Variants in TMEM132B observed in about 807,000 individuals in gnomAD.
TMEM132B encodes the protein transmembrane protein 132B.
Under a neutral mutation model 90.8 loss-of-function variants are expected in TMEM132B, and 18 were observed. The observed-to-expected ratio is 0.20, with a 90% CI of 0.14 to 0.29. The LOEUF is 0.29. Ranked by LOEUF, TMEM132B falls within the 10% of genes least tolerant of loss-of-function variation. The pLI is 1.00. For synonymous variants in TMEM132B, 504 were observed against 523.3 expected (o/e 0.96, Z 0.50); for missense variants, 1,096 against 1,326.8 (o/e 0.83, Z 2.70).
chr12:125,422,042 T>G (rs963429955), intron 3 of TMEM132B, among the ~76,000 whole-genome samples: 16 of 152,152 alleles, frequency 1.1e-4, no homozygotes, highest in Admixed American at 7.2e-4. Flanking sequence ...ACATGTAATA[T>G]GTCTTTGAGG....
At chr12:125,298,499 C>T (rs1414721292) in intron 1 of TMEM132B, among the ~76,000 whole-genome samples, 1 of 151,428 alleles carries the variant, frequency 6.6e-6, no homozygotes, top group African/African-American at 2.4e-5. Flanking sequence ...CGTGGTGAAA[C>T]CCCGTCTCAA....
chr12:125,318,466 T>C (rs1222196617), intron 1 of TMEM132B, among the ~76,000 whole-genome samples: 1 of 152,190 alleles, frequency 6.6e-6, no homozygotes, highest in East Asian at 1.9e-4. Context: ...GCCCATCACC[T>C]AGGTATTAAG....
chr12:125,403,422 C>T (rs552724746), intron 2 of TMEM132B, among the ~76,000 whole-genome samples: 8 of 152,324 alleles, frequency 5.3e-5, no homozygotes, highest in African/African-American at 1.9e-4. Context: ...TTTCTATGCT[C>T]AGAGCCCAAA....
At chr12:125,576,433 A>T (rs2136846365) in intron 4 of TMEM132B, among the ~76,000 whole-genome samples, 1 of 151,880 alleles carries the variant, frequency 6.6e-6, no homozygotes, top group East Asian at 1.9e-4. Flanking sequence ...TTACTTCTTC[A>T]TTTCCAGTTT....
intron 1 of TMEM132B, among the ~76,000 whole-genome samples, chr12:125,347,973 G>A (rs1877416225): frequency 6.6e-6 from 1 of 152,074 alleles, no homozygotes; most frequent in African/African-American, 2.4e-5. Flanking sequence ...AACATAAATG[G>A]TGAAAAACAA....
chr12:125,345,292 G>T (rs1566008249), intron 1 of TMEM132B, among the ~76,000 whole-genome samples: 1 of 152,182 alleles, frequency 6.6e-6, no homozygotes, highest in Non-Finnish European at 1.5e-5. Flanking sequence ...CACAAGACTG[G>T]CAAGTTAGCT....
intron 1 of TMEM132B, among the ~76,000 whole-genome samples, chr12:125,305,575 A>T (rs1305024014): frequency 2.0e-5 from 3 of 152,130 alleles, no homozygotes; most frequent in Non-Finnish European, 4.4e-5. Flanking sequence ...GATAAAAAGC[A>T]TTTTATCTTT....
intron 4 of TMEM132B, among the ~76,000 whole-genome samples, chr12:125,569,465 C>T (rs977138429): frequency 2.0e-5 from 3 of 152,132 alleles, no homozygotes; most frequent in African/African-American, 7.2e-5. Flanking sequence ...TGGTGTCCAT[C>T]CGCAGCTGGT....
intron 1 of TMEM132B, among the ~76,000 whole-genome samples, chr12:125,279,673 T>C (rs1875104973): frequency 6.6e-6 from 1 of 152,222 alleles, no homozygotes; most frequent in African/African-American, 2.4e-5. Context: ...TCTTTTCCCT[T>C]GTTGATCCTG....
intron 2 of TMEM132B, among the ~76,000 whole-genome samples, chr12:125,356,694 G>T (rs1290374953): frequency 6.6e-6 from 1 of 152,180 alleles, no homozygotes; most frequent in Non-Finnish European, 1.5e-5. Context: ...GGCTCAGGCC[G>T]CCATGTTGCC....
At chr12:125,553,028 T>C (rs1294825257) in intron 4 of TMEM132B, among the ~76,000 whole-genome samples, 1 of 152,252 alleles carries the variant, frequency 6.6e-6, no homozygotes, top group Non-Finnish European at 1.5e-5. Context: ...GGCAATTTTA[T>C]TCACATTCTC....
At chr12:125,530,493 AT>A (rs1402583521) in intron 4 of TMEM132B, among the ~76,000 whole-genome samples, 1 of 152,200 alleles carries the variant, frequency 6.6e-6, no homozygotes, top group East Asian at 1.9e-4. Flanking sequence ...TTTGGGTGCT[AT>A]ATTAGTTTTC....
In TMEM132B at chr12:125,650,933, C is replaced by T. The variant is rs1886897677; in HGVS notation, c.1894C>T (p.Pro632Ser). The change falls in exon 7 of 9, where the codon CCG becomes TCG. Residue 632 changes from proline to serine, a missense_variant. Physicochemically the swap from Pro to Ser is moderately conservative, Grantham distance 74. Transcript: ENST00000682704. ...QDGRTLAGRE[P>S]GITTVQVLSP... ...CGGCAGGACCCTGGCTGGTCGGGAG[C>T]CGGGAATAACCACGGTGCAGGTACA... The T allele has an allele frequency of 1.9e-6, 3 of 1,612,480 alleles. No homozygotes were observed. The East Asian group carries it at 6.7e-5, about 36-fold the overall frequency.
chr12:125,447,782 T>C (rs1297546381), intron 3 of TMEM132B, among the ~76,000 whole-genome samples: 3 of 152,238 alleles, frequency 2.0e-5, no homozygotes, highest in Non-Finnish European at 4.4e-5. Flanking sequence ...AAATCTAAGT[T>C]GGCAGTTATT....
intron 3 of TMEM132B, among the ~76,000 whole-genome samples, chr12:125,503,841 G>A (rs962290297): frequency 3.3e-5 from 5 of 152,246 alleles, no homozygotes; most frequent in African/African-American, 7.2e-5. Flanking sequence ...GGCAGGGTAA[G>A]AATGGGCTCA....
At chr12:125,482,544 G>A (rs537098439) in intron 3 of TMEM132B, among the ~76,000 whole-genome samples, 2 of 152,182 alleles carry the variant, frequency 1.3e-5, no homozygotes, top group Admixed American at 6.5e-5. Flanking sequence ...ACCACAATGA[G>A]ATACCATCTC....
intron 5 of TMEM132B, among the ~76,000 whole-genome samples, chr12:125,622,194 T>C (rs1886128327): frequency 6.6e-6 from 1 of 152,162 alleles, no homozygotes; most frequent in Admixed American, 6.5e-5. Flanking sequence ...CCACCAGACC[T>C]CCTTAAAGTT....
intron 1 of TMEM132B, among the ~76,000 whole-genome samples, chr12:125,222,793 C>T (rs1379478745): frequency 6.6e-6 from 1 of 152,220 alleles, no homozygotes; most frequent in Non-Finnish European, 1.5e-5. Flanking sequence ...ACCCACCCTG[C>T]AGTGTGACAA....
intron 5 of TMEM132B, among the ~76,000 whole-genome samples, chr12:125,632,179 C>A (rs1036575793): frequency 1.3e-5 from 2 of 151,764 alleles, no homozygotes; most frequent in Admixed American, 6.6e-5. Context: ...GATTACCGTG[C>A]GGCTTGTGAA....
Sources: allele counts gnomAD v4.1 joint callset (sites outside exome capture counted in the v4.1 genomes callset), GRCh38; gene constraint gnomAD v4.1.1; transcripts MANE v1.5; gene names NCBI Gene and HGNC (gene_info 2026-07-23, HGNC 2026-07-21).